The following FGFR3 variants were observed in gnomAD, a reference collection of about 807,000 sequenced individuals.
FGFR3 encodes the protein FGFR-3.
Under a neutral mutation model 82.9 loss-of-function variants are expected in FGFR3, and 25 were observed. The observed-to-expected ratio is 0.30, with a 90% CI of 0.22 to 0.42. The LOEUF is 0.42. Among genes scored for constraint, FGFR3 ranks in the 10% least tolerant of loss-of-function variants. FGFR3 has a pLI of 1.00. For synonymous variants in FGFR3, 620 were observed against 516.0 expected, an observed-to-expected ratio of 1.20 and a Z score of -2.73; for missense variants, 1,026 against 1,161.0, an observed-to-expected ratio of 0.88 and a Z score of 1.69.
Position 1,807,740 on chromosome 4 carries a change from C to T in FGFR3, c.*478C>T, listed in dbSNP as rs1722148064. The T allele has an allele frequency of 3.4e-6, 2 of 592,490 alleles. No individual in the cohort carries two copies. The highest frequency in any genetic ancestry group is 1.9e-5 in the Admixed American group (1 of 52,956). 36.7% of individuals were successfully genotyped at this position (592,490 alleles called of 1,614,324 possible). A position where few individuals can be genotyped will look rare whatever the true frequency, so the allele number is the denominator to read the frequency against. ...CACCTTGTGCCTGGGGTGTTAGTGGCACCGCCTCCCCACCTCCAGGCTTTC... is the reference window on the plus strand; with the variant it reads ...CACCTTGTGCCTGGGGTGTTAGTGGTACCGCCTCCCCACCTCCAGGCTTTC... On this transcript the variant is annotated 3_prime_UTR_variant, in exon 18 of 18. Coordinates refer to ENST00000440486, the MANE Select transcript of FGFR3 (RefSeq NM_000142.5).
intron 2 of FGFR3, among the ~76,000 whole-genome samples, chr4:1,798,881 T>C (rs1720849022): frequency 6.6e-6 from 1 of 152,062 alleles, no homozygotes; most frequent in Admixed American, 6.5e-5. Context: ...CAAGCATGGA[T>C]TTTATGTTTC....
rs370751685 is a variant in FGFR3, at chr4:1,808,565, T to C, written c.*1303T>C. On this transcript the variant is annotated 3_prime_UTR_variant, in exon 18 of 18. Coordinates refer to ENST00000440486, the MANE Select transcript of FGFR3 (RefSeq NM_000142.5). ...ATATCTATATATATAATTTATTGAGTTTTTACAAGATGTATTTGTTGTAGA... is the reference window on the plus strand; with the variant it reads ...ATATCTATATATATAATTTATTGAGCTTTTACAAGATGTATTTGTTGTAGA... 4.8e-5 allele frequency: 11 copies of C among 230,280 alleles called. No individual in the cohort carries two copies. The highest frequency in any genetic ancestry group is 2.4e-4 in the African/African-American group (11 of 45,128). The allele number at this position is 230,280 out of a possible 1,614,324, so 14.3% of individuals were successfully genotyped here. A position where few individuals can be genotyped will look rare whatever the true frequency, so the allele number is the denominator to read the frequency against.
chr4:1,808,558 T>C lies in FGFR3; in HGVS notation c.*1296T>C, dbSNP rs1722251078. The stretch of plus-strand genomic sequence containing the variant: ...TTTATATATATCTATATATATAATT[T>C]ATTGAGTTTTTACAAGATGTATTTG... On this transcript the variant is annotated 3_prime_UTR_variant, in exon 18 of 18. Transcript: ENST00000440486. 1 of 230,300 alleles carries C rather than the reference T, an allele frequency of 4.3e-6. No individual in the cohort carries two copies. The highest frequency in any genetic ancestry group is 6.1e-5 in the East Asian group (1 of 16,268). 14.3% of individuals were successfully genotyped at this position (230,300 alleles called of 1,614,324 possible). A position where few individuals can be genotyped will look rare whatever the true frequency, so the allele number is the denominator to read the frequency against.
intron 4 of FGFR3, among the ~76,000 whole-genome samples, chr4:1,800,655 G>C (rs1382607586): frequency 2.0e-5 from 3 of 152,156 alleles, no homozygotes; most frequent in African/African-American, 7.2e-5. Flanking sequence ...TGCCCCTGAT[G>C]GGCGTGTGCC....
intron 7 of FGFR3, 93 bp from the exon 8 acceptor site, chr4:1,803,599 T>C: frequency 1.3e-6 from 2 of 1,541,476 alleles, no homozygotes; most frequent in Non-Finnish European, 1.7e-6. Context: ...GGCGGCGTTT[T>C]CCTTGCAGCG....
At chr4:1,804,680 T>A in intron 9 of FGFR3, 144 bp from the exon 10 acceptor site, 2 of 1,426,606 alleles carry the variant, frequency 1.4e-6, no homozygotes, top group Admixed American at 1.9e-5. Context: ...TAGGGTACTT[T>A]GGGGCACGAA....
Position 1,805,549 on chromosome 4 carries a change from C to G in FGFR3, c.1535-10C>G. On this transcript the variant is annotated splice_polypyrimidine_tract_variant and intron_variant, in intron 11 of 17. Transcript: ENST00000440486. ...CGCCGCCTGACACAGGCCCCCCGCTCCGTGCACAGACGATGCCACTGACAA... is the reference window on the plus strand; with the variant it reads ...CGCCGCCTGACACAGGCCCCCCGCTGCGTGCACAGACGATGCCACTGACAA... The G allele has an allele frequency of 6.2e-7, 1 of 1,612,964 alleles. No homozygotes were observed. Among genetic ancestry groups the G allele is most frequent in the Non-Finnish European group, 8.5e-7 (1 of 1,179,800 alleles).
rs17880694 is a variant in FGFR3 at position 1,803,272 on chromosome 4, G to A, written c.931-420G>A. ...TGGCCTGCGCCGACCCTTCCCGCAC[G>A]CCTGCGACCCCCACAGGAGGTGCCC... On this transcript the variant is annotated intron_variant, in intron 7 of 17. Coordinates refer to ENST00000440486, the MANE Select transcript of FGFR3 (RefSeq NM_000142.5). 711 of 593,460 alleles carry A rather than the reference G, an allele frequency of 1.2e-3. 4 individuals carry two copies. Among genetic ancestry groups the A allele is most frequent in the Middle Eastern group, 0.01 (20 of 1,968 alleles). 36.8% of individuals were successfully genotyped at this position (593,460 alleles called of 1,614,324 possible). A position where few individuals can be genotyped will look rare whatever the true frequency, so the allele number is the denominator to read the frequency against.
intron 2 of FGFR3, among the ~76,000 whole-genome samples, chr4:1,794,249 A>G (rs1720194854): frequency 6.6e-6 from 1 of 152,198 alleles, no homozygotes; most frequent in Admixed American, 6.5e-5. Flanking sequence ...GCTACCCTCC[A>G]AGTGCGAGGC....
intron 2 of FGFR3, among the ~76,000 whole-genome samples, chr4:1,795,196 G>T (rs1312900477): frequency 6.6e-6 from 1 of 152,180 alleles, no homozygotes; most frequent in Non-Finnish European, 1.5e-5. Context: ...CGGGAGGTCA[G>T]CGCGCGCTTT....
intron 16 of FGFR3, 31 bp from the exon 17 acceptor site, chr4:1,806,798 C>A: frequency 6.3e-7 from 1 of 1,585,516 alleles, no homozygotes. Context: ...CGGGAAGCGG[C>A]GGGGCTCACT....
In FGFR3 at chr4:1,807,748, C is replaced by T. The variant is rs1214906219; in HGVS notation, c.*486C>T. The stretch of plus-strand genomic sequence containing the variant: ...GCCTGGGGTGTTAGTGGCACCGCCT[C>T]CCCACCTCCAGGCTTTCCCACTTCC... On this transcript the variant is annotated 3_prime_UTR_variant, in exon 18 of 18. Coordinates refer to ENST00000440486, the MANE Select transcript of FGFR3 (RefSeq NM_000142.5). 24 of 587,428 alleles carry T rather than the reference C, an allele frequency of 4.1e-5. No individual in the cohort carries two copies. The highest frequency in any genetic ancestry group is 6.6e-6 in the Non-Finnish European group (2 of 301,872). The allele number at this position is 587,428 out of a possible 1,614,324, so 36.4% of individuals were successfully genotyped here.
chr4:1,805,331 T>C (rs754082706), intron 10 of FGFR3, 24 bp from the exon 11 acceptor site: 1 of 1,609,608 alleles, frequency 6.2e-7, no homozygotes, highest in Non-Finnish European at 8.5e-7. Context: ...TGCACACTCA[T>C]GGTCCCTCTG....
At chr4:1,805,280 G>C in intron 10 of FGFR3, 75 bp from the exon 11 acceptor site, 1 of 1,596,018 alleles carries the variant, frequency 6.3e-7, no homozygotes, top group Admixed American at 1.7e-5. Flanking sequence ...GGCTGGGCCA[G>C]GCTGGGGTGG....
Position 1,799,809 on chromosome 4 carries a change from A to G in FGFR3, c.442A>G (p.Thr148Ala). Residue 148 changes from threonine to alanine, a missense_variant, in exon 4 of 18, where the codon ACA (threonine) becomes GCA (alanine). By Grantham distance (58) the Thr-to-Ala change is moderately conservative. Coordinates refer to ENST00000440486, the MANE Select transcript of FGFR3 (RefSeq NM_000142.5). The stretch of plus-strand genomic sequence containing the variant: ...CGAGGCTGAGGACACAGGTGTGGAC[A>G]CAGGTAGGAGCAGGGTCCAGGGTTC... ...EDEAEDTGVD[T>A]GAPYWTRPER... The G allele has an allele frequency of 6.2e-7, 1 of 1,612,792 alleles. No individual in the cohort carries two copies. The highest frequency in any genetic ancestry group is 8.5e-7 in the Non-Finnish European group (1 of 1,179,904).
At chr4:1,796,704 G>GGAA in intron 2 of FGFR3, among the ~76,000 whole-genome samples, 1 of 152,284 alleles carries the variant, frequency 6.6e-6, no homozygotes, top group Middle Eastern at 3.4e-3. Flanking sequence ...CTGGAGAAAG[G>GGAA]TTCCCCAGGC....
chr4:1,805,078 G>A, intron 10 of FGFR3, 109 bp downstream of exon 10: 1 of 1,425,906 alleles, frequency 7.0e-7, no homozygotes, highest in East Asian at 2.5e-5. Context: ...GGATGTGGCG[G>A]ATGTTGGGTG....
intron 9 of FGFR3, 126 bp downstream of exon 9, chr4:1,804,646 C>T (rs1248499617): frequency 2.2e-5 from 31 of 1,441,672 alleles, no homozygotes; most frequent in African/African-American, 2.8e-5. Flanking sequence ...CCCCTCTCCT[C>T]GTCTCTGCTC....
chr4:1,799,294 C>T lies in FGFR3; in HGVS notation c.150C>T (p.Val50=), dbSNP rs750641928. 8.7e-6 allele frequency: 14 copies of T among 1,612,728 alleles called. No homozygotes were observed. The Middle Eastern group carries it at 1.0e-3, about 115-fold the overall frequency. Residue 50 remains valine, a synonymous_variant, in exon 3 of 18, where the codon GTC becomes GTT. Coordinates refer to ENST00000440486, the MANE Select transcript of FGFR3 (RefSeq NM_000142.5). ...AGCCCGGCCAGCAGGAGCAGTTGGTCTTCGGCAGCGGGGATGCTGTGGAGC... is the reference window on the plus strand; with the variant it reads ...AGCCCGGCCAGCAGGAGCAGTTGGTTTTCGGCAGCGGGGATGCTGTGGAGC... ...GPEPGQQEQL[V]FGSGDAVELS... is the part of the protein sequence containing the mutation.
Sources: allele counts gnomAD v4.1 joint callset (sites outside exome capture counted in the v4.1 genomes callset), GRCh38; gene constraint gnomAD v4.1.1; transcripts MANE v1.5; gene names NCBI Gene and HGNC (gene_info 2026-07-23, HGNC 2026-07-21).